TULP4: variants seen among roughly 807,000 people sequenced by gnomAD.
The protein encoded by TULP4 is TUB like protein 4.
Under a neutral mutation model 129.0 loss-of-function variants are expected in TULP4, and 16 were observed. That is an observed-to-expected ratio of 0.12 (90% CI 0.08 to 0.19). TULP4 has a LOEUF of 0.19. Among genes scored for constraint, TULP4 ranks in the 10% least tolerant of loss-of-function variants. TULP4 has a pLI of 1.00. For synonymous variants in TULP4, 998 were observed against 854.0 expected (o/e 1.17, Z -2.94); for missense variants, 1,842 against 2,059.1 (o/e 0.89, Z 2.04).
intron 2 of TULP4, 71 bp from the exon 3 acceptor site, chr6:158,429,665 A>T: frequency 7.2e-7 from 1 of 1,396,366 alleles, no homozygotes; most frequent in Non-Finnish European, 9.8e-7. Flanking sequence ...GTTAATGACT[A>T]TGTCTAGACT....
At chr6:158,240,029 G>C (rs1777837296) in intron 1 of TULP4, among the ~76,000 whole-genome samples, 1 of 120,688 alleles carries the variant, frequency 8.3e-6, no homozygotes, top group Non-Finnish European at 1.9e-5. Context: ...GGGGCGGCTG[G>C]CCGGGCGGGG....
At chr6:158,372,020 G>A (rs563076982) in intron 1 of TULP4, among the ~76,000 whole-genome samples, 3 of 151,620 alleles carry the variant, frequency 2.0e-5, no homozygotes, top group African/African-American at 4.9e-5. Context: ...TCTCCATGTC[G>A]CCCAGGCTGG....
chr6:158,369,844 C>A lies in TULP4; in HGVS notation c.253-43221C>A, dbSNP rs373416124. Among the ~76,000 whole-genome samples the A allele has an allele frequency of 2.0e-5, 3 of 152,118 alleles. No homozygotes were observed. The East Asian group carries it at 5.8e-4, about 30-fold the overall frequency. ...GAGGGAGATTTGCTTTCTCTGCATC[C>A]CTTTTCCATCTTTGACTTTTGTACC... is the stretch of plus-strand genomic sequence containing the variant. On this transcript the variant is annotated intron_variant, in intron 1 of 13. Coordinates refer to ENST00000367097, the MANE Select transcript of TULP4 (RefSeq NM_020245.5).
intron 1 of TULP4, among the ~76,000 whole-genome samples, chr6:158,292,611 C>T (rs1001631895): frequency 2.0e-5 from 3 of 152,060 alleles, no homozygotes; most frequent in Non-Finnish European, 4.4e-5. Flanking sequence ...GTTTTGTAGT[C>T]TTCTACCATA....
chr6:158,256,531 T>C (rs1326360955), intron 1 of TULP4, among the ~76,000 whole-genome samples: 3 of 152,228 alleles, frequency 2.0e-5, no homozygotes, highest in African/African-American at 4.8e-5. Context: ...GGTGGTCTTA[T>C]TGTAAATAAA....
intron 1 of TULP4, among the ~76,000 whole-genome samples, chr6:158,393,725 G>A (rs1326121982): frequency 3.3e-5 from 5 of 152,346 alleles, no homozygotes; most frequent in Non-Finnish European, 4.4e-5. Context: ...AGGCTGCACA[G>A]AGCAGCAGGG....
intron 1 of TULP4, among the ~76,000 whole-genome samples, chr6:158,255,476 A>C (rs1778226923): frequency 6.6e-6 from 1 of 152,130 alleles, no homozygotes; most frequent in African/African-American, 2.4e-5. Flanking sequence ...CCAGAGACCT[A>C]GTTCTGGTCA....
intron 1 of TULP4, among the ~76,000 whole-genome samples, chr6:158,393,260 A>ACAGC (rs1449215059): frequency 1.3e-5 from 2 of 152,156 alleles, no homozygotes; most frequent in African/African-American, 4.8e-5. Flanking sequence ...TCTGTAGGGT[A>ACAGC]CAGCCCCCAT....
At chr6:158,465,657 G>A (rs1354086959) in intron 6 of TULP4, among the ~76,000 whole-genome samples, 3 of 152,184 alleles carry the variant, frequency 2.0e-5, no homozygotes, top group Non-Finnish European at 4.4e-5. Flanking sequence ...TATGAGTGAT[G>A]CTGGCCCAGC....
At chr6:158,504,441 G>A (rs1180906913) in intron 13 of TULP4, among the ~76,000 whole-genome samples, 1 of 151,916 alleles carries the variant, frequency 6.6e-6, no homozygotes, top group African/African-American at 2.4e-5. Flanking sequence ...ACGCCTCCTG[G>A]GTTCACGCCA....
chr6:158,432,015 T>G (rs1778640112), intron 3 of TULP4, among the ~76,000 whole-genome samples: 1 of 148,720 alleles, frequency 6.7e-6, no homozygotes, highest in African/African-American at 2.5e-5. Context: ...TCTCAGCTAG[T>G]CAGGAGGCTG....
At chr6:158,350,262 G>C (rs148150350) in intron 1 of TULP4, among the ~76,000 whole-genome samples, 5 of 4,358 alleles carry the variant, frequency 1.1e-3, no homozygotes, top group Non-Finnish European at 4.2e-3. Flanking sequence ...CGGGCAGAGG[G>C]GCTCCTCACA....
chr6:158,233,495 G>A (rs1315957832), intron 1 of TULP4, among the ~76,000 whole-genome samples: 1 of 152,230 alleles, frequency 6.6e-6, no homozygotes, highest in African/African-American at 2.4e-5. Context: ...CTTAGTTGAA[G>A]TTCTTGCAGA....
At chr6:158,357,100 G>A (rs911941005) in intron 1 of TULP4, among the ~76,000 whole-genome samples, 12 of 152,224 alleles carry the variant, frequency 7.9e-5, no homozygotes, top group Non-Finnish European at 1.6e-4. Context: ...GGGAGTGCCC[G>A]AGCGTCCTCC....
rs777703941 is a variant in TULP4 at position 158,479,732 on chromosome 6, T to A, written c.1027-19T>A. The A allele has an allele frequency of 1.2e-6, 2 of 1,608,396 alleles. No homozygotes were observed. The highest frequency in any genetic ancestry group is 1.7e-6 in the Non-Finnish European group (2 of 1,175,680). ...AAGAGCAAAAGCTTAAGCATTGTCTTCCCTTCACTTCCTGCCAGCGCCCCA... is the reference window on the plus strand; with the variant it reads ...AAGAGCAAAAGCTTAAGCATTGTCTACCCTTCACTTCCTGCCAGCGCCCCA... On this transcript the variant is annotated intron_variant, in intron 6 of 13. Transcript: ENST00000367097.
At chr6:158,239,434 G>GGAC (rs1777806327) in intron 1 of TULP4, among the ~76,000 whole-genome samples, 1 of 66,766 alleles carries the variant, frequency 1.5e-5, no homozygotes, top group Non-Finnish European at 3.4e-5. Flanking sequence ...CCTCCCTCCC[G>GGAC]GACGGGGCGG....
intron 1 of TULP4, among the ~76,000 whole-genome samples, chr6:158,302,721 G>A (rs1035443676): frequency 1.3e-5 from 2 of 152,122 alleles, no homozygotes; most frequent in African/African-American, 2.4e-5. Context: ...ATTCCTTCAT[G>A]TCTTGGACCG....
At chr6:158,353,655 G>T (rs1313343935) in intron 1 of TULP4, among the ~76,000 whole-genome samples, 3 of 152,106 alleles carry the variant, frequency 2.0e-5, no homozygotes, top group Non-Finnish European at 4.4e-5. Context: ...TCACTTTATT[G>T]AGTGCTATTT....
intron 1 of TULP4, among the ~76,000 whole-genome samples, chr6:158,341,529 A>G (rs1051464929): frequency 2.6e-5 from 4 of 152,170 alleles, no homozygotes; most frequent in Non-Finnish European, 5.9e-5. Flanking sequence ...GTTCCGTCCA[A>G]CAATATATGA....
Sources: allele counts gnomAD v4.1 joint callset (sites outside exome capture counted in the v4.1 genomes callset), GRCh38; gene constraint gnomAD v4.1.1; transcripts MANE v1.5; gene names NCBI Gene and HGNC (gene_info 2026-07-23, HGNC 2026-07-21).